Variants in CARS1 observed in about 807,000 individuals in gnomAD.
CARS1 encodes the protein cysteinyl-tRNA synthetase 1.
A neutral mutation model predicts 106.2 loss-of-function variants in CARS1; 48 were observed. The observed-to-expected ratio is 0.45, with a 90% confidence interval of 0.36 to 0.57. The LOEUF is 0.57. Ranked by LOEUF, CARS1 falls within the 20% of genes least tolerant of loss-of-function variation. CARS1 has a pLI of 0.00. For missense variants in CARS1, 968 were observed against 1,057.2 expected (o/e 0.92, Z 1.17); for synonymous variants, 409 against 403.4 (o/e 1.01, Z -0.17).
chr11:3,014,873 A>T (rs1268644903), intron 17 of CARS1, among the ~76,000 whole-genome samples: 1 of 152,208 alleles, frequency 6.6e-6, no homozygotes, highest in Non-Finnish European at 1.5e-5. Context: ...TCTTCACACC[A>T]CTTGTCATTA....
chr11:3,018,593 G>A, intron 13 of CARS1, 27 bp downstream of exon 13: 2 of 1,613,586 alleles, frequency 1.2e-6, no homozygotes, highest in Non-Finnish European at 8.5e-7. Context: ...GGTGGTTGGG[G>A]GGTCTGTGGG....
At chr11:3,042,307 G>GC (rs754740813) in intron 2 of CARS1, 51 bp from the exon 3 acceptor site, 1 of 1,371,460 alleles carries the variant, frequency 7.3e-7, no homozygotes, top group Non-Finnish European at 1.0e-6. Context: ...ACCAGGAAGT[G>GC]CAAGTCGCCT....
At chr11:3,036,889 A>G (rs1159431829) in intron 7 of CARS1, among the ~76,000 whole-genome samples, 1 of 152,194 alleles carries the variant, frequency 6.6e-6, no homozygotes, top group African/African-American at 2.4e-5. Context: ...TGGGTCAACC[A>G]TGGGCACACT....
At chr11:3,002,213 A>G in intron 21 of CARS1, 160 bp from the exon 22 acceptor site, 1 of 679,730 alleles carries the variant, frequency 1.5e-6, no homozygotes, top group South Asian at 1.7e-5. Context: ...GGTGGAGGGA[A>G]CATACAAGGA....
chr11:3,019,212 GC>G lies in CARS1; in HGVS notation c.1321del (p.Ala441LeufsTer43). The part of the protein sequence containing the change: ...CSAMAGTLLG[A>X]SMDIHGGGFD... ...CCCACCTCCGTGAATGTCCATCGAAGCCCCTAGGAGGGTGCCTGCCATGGCC... is the reference window on the plus strand; with the variant it reads ...CCCACCTCCGTGAATGTCCATCGAAGCCCTAGGAGGGTGCCTGCCATGGCC... On this transcript the variant is annotated frameshift_variant, in exon 12 of 23. Transcript: ENST00000380525. LOFTEE classifies it high-confidence loss of function. The surrounding 1 kb of genome is among the most constrained non-coding windows in gnomAD (Gnocchi z 6.2). The G allele has an allele frequency of 6.6e-7, 1 of 1,510,500 alleles. No homozygotes were observed. The allele number at this position is 1,510,500 out of a possible 1,614,324, so 93.6% of individuals were successfully genotyped here. A position where few individuals can be genotyped will look rare whatever the true frequency, so the allele number is the denominator to read the frequency against.
intron 16 of CARS1, among the ~76,000 whole-genome samples, chr11:3,016,302 G>A (rs953787955): frequency 6.6e-6 from 1 of 151,026 alleles, no homozygotes; most frequent in East Asian, 1.9e-4. Flanking sequence ...CTCACTGCAA[G>A]CTCTGCCTCC....
chr11:3,005,107 C>CA (rs71035465), intron 20 of CARS1, among the ~76,000 whole-genome samples: 31,575 of 90,670 alleles, frequency 0.35, 5,316 homozygotes, highest in Non-Finnish European at 0.37. Context: ...GACTCCGTCT[C>CA]AAAAAAAAAA....
rs1851252496 is a variant in CARS1, at chr11:3,018,413, A to G, written c.1624T>C (p.Leu542=). 6.2e-7 allele frequency: 1 copy of G among 1,611,390 alleles called. No individual in the cohort carries two copies. Among genetic ancestry groups the G allele is most frequent in the African/African-American group, 1.3e-5 (1 of 74,888 alleles). Residue 542 remains leucine, a synonymous_variant, in exon 14 of 23, where the codon TTG becomes CTG. Transcript: ENST00000380525. ...MESALQYEKF[L]NEFFLNVKDI... ...GGAAGGGGCTGGGGACTCACATTCAAGAACTTCTCATATTGAAGCGCTGAC... is the reference window on the plus strand; with the variant it reads ...GGAAGGGGCTGGGGACTCACATTCAGGAACTTCTCATATTGAAGCGCTGAC...
intron 18 of CARS1, 77 bp from the exon 19 acceptor site, chr11:3,007,036 G>C: frequency 8.4e-7 from 1 of 1,197,446 alleles, no homozygotes. Context: ...TCCAGTGCTG[G>C]GGAAGGAGGG....
Position 3,043,421 on chromosome 11 carries a change from C to A in CARS1, c.275-1165G>T, listed in dbSNP as rs1172506738. Among the ~76,000 whole-genome samples, 3 of 152,104 alleles carry A rather than the reference C, an allele frequency of 2.0e-5. No individual in the cohort carries two copies. The South Asian group carries it at 6.2e-4, about 32-fold the overall frequency. On this transcript the variant is annotated intron_variant, in intron 2 of 22. Transcript: ENST00000380525. This position sits in a 1 kb window ranked among gnomAD's most constrained non-coding sequence, Gnocchi z 4.0. ...GCAGATCCCCACTTTTCTCCACAGTCGTCGCCCACAGGTCCAGGTTCTGCG... is the reference window on the plus strand; with the variant it reads ...GCAGATCCCCACTTTTCTCCACAGTAGTCGCCCACAGGTCCAGGTTCTGCG...
rs955100583 is a variant in CARS1 at position 3,045,648 on chromosome 11, T to G, written c.274+2105A>C. Among the ~76,000 whole-genome samples, 2 of 152,040 alleles carry G rather than the reference T, an allele frequency of 1.3e-5. No individual in the cohort carries two copies. The highest frequency in any genetic ancestry group is 2.9e-5 in the Non-Finnish European group (2 of 68,010). On this transcript the variant is annotated intron_variant, in intron 2 of 22. Coordinates refer to ENST00000380525, the MANE Select transcript of CARS1 (RefSeq NM_001014437.3). This position sits in a 1 kb window ranked among gnomAD's most constrained non-coding sequence, Gnocchi z 5.6. The stretch of plus-strand genomic sequence containing the variant: ...AGGAGCTGGTAACAGGCGGGCACAC[T>G]GAGGGCCAGACACAGGCACATCTGA...
chr11:3,005,970 C>T (rs1328038501), intron 19 of CARS1, among the ~76,000 whole-genome samples: 2 of 152,090 alleles, frequency 1.3e-5, no homozygotes, highest in Non-Finnish European at 2.9e-5. Context: ...GAAAATAGGA[C>T]ATGACATCTG....
At position 3,046,320 on chromosome 11, in the gene CARS1, T is replaced by A. The variant is rs1855073184; in HGVS notation, c.274+1433A>T. 6.6e-6 allele frequency among the ~76,000 whole-genome samples: 1 copy of A among 152,108 alleles called. No individual in the cohort carries two copies. Among genetic ancestry groups the A allele is most frequent in the Non-Finnish European group, 1.5e-5 (1 of 68,012 alleles). ...TGGACGTACCAGGCCCGCTTCACCC[T>A]CCCTAATCCTGCCCCCCTCTGGCTG... is the stretch of plus-strand genomic sequence containing the variant. On this transcript the variant is annotated intron_variant, in intron 2 of 22. Coordinates refer to ENST00000380525, the MANE Select transcript of CARS1 (RefSeq NM_001014437.3). This position sits in a 1 kb window ranked among gnomAD's most constrained non-coding sequence, Gnocchi z 5.8.
intron 22 of CARS1, 130 bp downstream of exon 22, chr11:3,001,840 G>C: frequency 1.3e-6 from 1 of 784,784 alleles, no homozygotes; most frequent in East Asian, 2.4e-5. Flanking sequence ...CCTAAAGCGG[G>C]TGTCAGATTT....
At chr11:3,012,909 A>G (rs1410793231) in intron 17 of CARS1, among the ~76,000 whole-genome samples, 135 of 73,454 alleles carry the variant, frequency 1.8e-3, no homozygotes, top group African/African-American at 7.9e-3. Context: ...TTTTTTTTTT[A>G]AGACGGAATC....
In CARS1 at chr11:3,038,090, T is replaced by G. The variant is rs753129644; in HGVS notation, c.761A>C (p.Gln254Pro). The G allele has an allele frequency of 1.9e-6, 3 of 1,614,206 alleles. No individual in the cohort carries two copies. Among genetic ancestry groups the G allele is most frequent in the South Asian group, 1.1e-5 (1 of 91,078 alleles). Residue 254 changes from glutamine to proline, a missense_variant, in exon 7 of 23, where the codon CAG becomes CCG. Physicochemically the swap from Gln to Pro is moderately conservative, Grantham distance 76 (BLOSUM62 -1). Coordinates refer to ENST00000380525, the MANE Select transcript of CARS1 (RefSeq NM_001014437.3). The surrounding 1 kb of genome is among the most constrained non-coding windows in gnomAD (Gnocchi z 4.0). ...GACTTCCTCTCCCGTGAGTCTGGAC[T>G]GCACAGCTTTCTCAAGTGGCTCTGT... Reference protein sequence around the residue: ...LATEPLEKAVQSRLTGEEVNS... With the variant: ...LATEPLEKAVPSRLTGEEVNS...
chr11:3,006,416 G>A (rs551490237), intron 19 of CARS1, among the ~76,000 whole-genome samples: 6 of 152,156 alleles, frequency 3.9e-5, no homozygotes, highest in South Asian at 4.1e-4. Context: ...ACTGTACTCC[G>A]GCCTGGGCGA....
At chr11:3,018,100 A>G in intron 14 of CARS1, 146 bp from the exon 15 acceptor site, 1 of 632,696 alleles carries the variant, frequency 1.6e-6, no homozygotes, top group Non-Finnish European at 2.8e-6. Flanking sequence ...AAAGGAAAAG[A>G]TATTTCTTTG....
intron 10 of CARS1, among the ~76,000 whole-genome samples, chr11:3,024,317 A>G (rs751177478): frequency 6.6e-6 from 1 of 151,928 alleles, no homozygotes; most frequent in Non-Finnish European, 1.5e-5. Context: ...CTGCTTAAAC[A>G]CCCCTGATTT....
Sources: allele counts gnomAD v4.1 joint callset (sites outside exome capture counted in the v4.1 genomes callset), GRCh38; gene constraint gnomAD v4.1.1; non-coding constraint Gnocchi (gnomAD v3.1); transcripts MANE v1.5; gene names NCBI Gene and HGNC (gene_info 2026-07-23, HGNC 2026-07-21).